Variants in ITPKB observed in about 807,000 individuals in gnomAD.
The protein encoded by ITPKB is IP3 3-kinase B.
In ITPKB, 13 loss-of-function variants were observed where a neutral mutation model predicts 69.4. The ratio of observed to expected loss-of-function variants is 0.19; its 90% CI spans 0.12 to 0.30. The LOEUF is 0.30. Ranked by LOEUF, ITPKB falls within the 10% of genes least tolerant of loss-of-function variation. The pLI, the probability that ITPKB is intolerant of heterozygous loss-of-function variation, is 1.00. For synonymous variants in ITPKB, 584 were observed against 513.7 expected, an observed-to-expected ratio of 1.14 and a Z score of -1.85; for missense variants, 1,240 against 1,250.5, an observed-to-expected ratio of 0.99 and a Z score of 0.13.
At chr1:226,661,924 G>A (rs187426238) in intron 2 of ITPKB, among the ~76,000 whole-genome samples, 164 of 152,322 alleles carry the variant, frequency 1.1e-3, no homozygotes, top group Middle Eastern at 3.4e-3. Context: ...GGAAAGGGCA[G>A]AAGGTGTAGG....
chr1:226,725,862 G>A (rs899840297), intron 2 of ITPKB, among the ~76,000 whole-genome samples: 3 of 152,170 alleles, frequency 2.0e-5, no homozygotes, highest in African/African-American at 7.2e-5. Context: ...ATCCCAACCC[G>A]ACCTCACTGC....
At chr1:226,676,231 A>C (rs924677477) in intron 2 of ITPKB, 6 of 152,330 alleles carry the variant, frequency 3.9e-5, no homozygotes, top group African/African-American at 1.4e-4. Context: ...CGGTGCAAAA[A>C]CAGGGTTGGT....
At chr1:226,684,033 G>C (rs190761883) in intron 2 of ITPKB, among the ~76,000 whole-genome samples, 1 of 152,268 alleles carries the variant, frequency 6.6e-6, no homozygotes, top group East Asian at 1.9e-4. Flanking sequence ...CTGACTTTCT[G>C]AGTGTCAGGG....
chr1:226,646,675 A>G (rs1669069338), intron 4 of ITPKB, among the ~76,000 whole-genome samples: 1 of 151,932 alleles, frequency 6.6e-6, no homozygotes, highest in South Asian at 2.1e-4. Flanking sequence ...TTAGGCAGAT[A>G]CAGGTCTTTT....
Position 226,641,049 on chromosome 1 carries a change from G to C in ITPKB, c.2451+872C>G, listed in dbSNP as rs1237340368. On this transcript the variant is annotated intron_variant, in intron 5 of 7. Coordinates refer to ENST00000429204, the MANE Select transcript of ITPKB (RefSeq NM_002221.4). This position sits in a 1 kb window ranked among gnomAD's most constrained non-coding sequence, Gnocchi z 4.6. ...GACAACCCCACAGGGACTGCCATCTGCTCAAGAGGGACAGCTTCTGAGACC... is the reference window on the plus strand; with the variant it reads ...GACAACCCCACAGGGACTGCCATCTCCTCAAGAGGGACAGCTTCTGAGACC... Among the ~76,000 whole-genome samples the C allele has an allele frequency of 2.6e-5, 4 of 152,296 alleles. 1 individual carries two copies. In the East Asian group the frequency reaches 7.7e-4, roughly 29 times the overall value.
chr1:226,656,696 A>G (rs1208552648), intron 2 of ITPKB: 1 of 152,292 alleles, frequency 6.6e-6, no homozygotes, highest in Non-Finnish European at 1.5e-5. Flanking sequence ...TTGTTCTAGA[A>G]GGCAGGATGA....
chr1:226,638,543 G>T (rs989265090), intron 6 of ITPKB, among the ~76,000 whole-genome samples: 2 of 152,204 alleles, frequency 1.3e-5, no homozygotes, highest in Admixed American at 1.3e-4. Flanking sequence ...GTCCCAGGGA[G>T]CCGTGCACTT....
intron 7 of ITPKB, among the ~76,000 whole-genome samples, chr1:226,636,780 G>T (rs1230840983): frequency 2.0e-5 from 3 of 147,220 alleles, no homozygotes; most frequent in African/African-American, 8.0e-5. Context: ...GTGTGTGTGT[G>T]TGTGTGTGTG....
At chr1:226,647,864 T>G (rs1669092544) in intron 3 of ITPKB, among the ~76,000 whole-genome samples, 1 of 152,260 alleles carries the variant, frequency 6.6e-6, no homozygotes. Context: ...GCACTTCTTC[T>G]GAGCCAGACC....
At chr1:226,690,378 A>C (rs1656319832) in intron 2 of ITPKB, among the ~76,000 whole-genome samples, 1 of 152,222 alleles carries the variant, frequency 6.6e-6, no homozygotes, top group Admixed American at 6.5e-5. Flanking sequence ...AGAAAAGTTA[A>C]AGTGACCTAG....
rs1179257856 is a variant in ITPKB at position 226,646,095 on chromosome 1, G to A, written c.2246+1072C>T. On this transcript the variant is annotated intron_variant, in intron 4 of 7. Coordinates refer to ENST00000429204, the MANE Select transcript of ITPKB (RefSeq NM_002221.4). ...AATCTGCTCTTATGAGAAATAATCC[G>A]GTTAAACCAGTCACAGTGGACACAG... 2.0e-5 allele frequency among the ~76,000 whole-genome samples: 3 copies of A among 152,258 alleles called. No homozygotes were observed. In the South Asian group the frequency reaches 6.2e-4, roughly 32 times the overall value.
At chr1:226,706,848 G>A (rs1301308768) in intron 2 of ITPKB, among the ~76,000 whole-genome samples, 1 of 152,196 alleles carries the variant, frequency 6.6e-6, no homozygotes, top group Non-Finnish European at 1.5e-5. Flanking sequence ...CTCTGTTGCC[G>A]AGGTGCACAG....
Position 226,679,104 on chromosome 1 carries a change from C to G in ITPKB, c.1933-30333G>C, listed in dbSNP as rs1390892099. Among the ~76,000 whole-genome samples the G allele has an allele frequency of 2.0e-5, 3 of 152,218 alleles. No homozygotes were observed. The East Asian group carries it at 5.8e-4, about 29-fold the overall frequency. The stretch of plus-strand genomic sequence containing the variant: ...AACTGGGTGCCTCTCTAAGATAGAG[C>G]TCCCTGCCTCCCAGTATCTCTTCCT... On this transcript the variant is annotated intron_variant, in intron 2 of 7. Coordinates refer to ENST00000429204, the MANE Select transcript of ITPKB (RefSeq NM_002221.4).
intron 2 of ITPKB, among the ~76,000 whole-genome samples, chr1:226,687,284 C>T (rs1656238830): frequency 1.3e-5 from 2 of 152,160 alleles, no homozygotes; most frequent in South Asian, 4.1e-4. Flanking sequence ...GTAAGTTATT[C>T]ATAAGAGAGC....
At chr1:226,657,823 T>C (rs937450006) in intron 2 of ITPKB, among the ~76,000 whole-genome samples, 3 of 152,224 alleles carry the variant, frequency 2.0e-5, no homozygotes, top group African/African-American at 7.2e-5. Context: ...TGGGCTCCCA[T>C]CATCTCTCTC....
chr1:226,703,407 G>A (rs978386218), intron 2 of ITPKB, among the ~76,000 whole-genome samples: 10 of 152,226 alleles, frequency 6.6e-5, no homozygotes, highest in Admixed American at 5.2e-4. Context: ...CCGAGGCAGG[G>A]GCGCGGCGGG....
chr1:226,715,799 T>G (rs1301447804), intron 2 of ITPKB, among the ~76,000 whole-genome samples: 2 of 152,334 alleles, frequency 1.3e-5, no homozygotes, highest in South Asian at 2.1e-4. Flanking sequence ...TGTAATACTC[T>G]ATTGCTTTTA....
chr1:226,637,915 A>T lies in ITPKB; in HGVS notation c.2554-165T>A, dbSNP rs1668874558. Among the ~76,000 whole-genome samples, 1 of 152,244 alleles carries T rather than the reference A, an allele frequency of 6.6e-6. No homozygotes were observed. Among genetic ancestry groups the T allele is most frequent in the Non-Finnish European group, 1.5e-5 (1 of 68,042 alleles). On this transcript the variant is annotated intron_variant, in intron 6 of 7. Coordinates refer to ENST00000429204, the MANE Select transcript of ITPKB (RefSeq NM_002221.4). This position sits in a 1 kb window ranked among gnomAD's most constrained non-coding sequence, Gnocchi z 4.3. The stretch of plus-strand genomic sequence containing the variant: ...GCAGGGCTGCTGTGGCGTCTTTCTC[A>T]GCATAAATGTCAGTACCTTTGACTT...
intron 2 of ITPKB, among the ~76,000 whole-genome samples, chr1:226,667,441 G>A (rs901081776): frequency 1.3e-5 from 2 of 152,196 alleles, no homozygotes; most frequent in East Asian, 1.9e-4. Context: ...AAGCAGAAAG[G>A]TAAGTTAAGT....
Sources: gnomAD v4.1 joint callset for allele counts (sites outside exome capture counted in the v4.1 genomes callset) on GRCh38, gnomAD v4.1.1 for gene constraint, Gnocchi (gnomAD v3.1) non-coding constraint, MANE v1.5 for transcripts, NCBI Gene and HGNC (gene_info 2026-07-23, HGNC 2026-07-21) for gene names.